The following DLG2 variants were observed in gnomAD, a reference collection of about 807,000 sequenced individuals.
DLG2 encodes the protein disks large homolog 2.
In DLG2, 45 loss-of-function variants were observed where a neutral mutation model predicts 132.5. The ratio of observed to expected loss-of-function variants is 0.34; its 90% CI spans 0.27 to 0.44. DLG2 has a LOEUF of 0.44. DLG2 is among the 20% of genes least tolerant of loss of function. The pLI is 1.00. For synonymous variants in DLG2, 424 were observed against 419.6 expected, an observed-to-expected ratio of 1.01 and a Z score of -0.13; for missense variants, 1,045 against 1,196.9, an observed-to-expected ratio of 0.87 and a Z score of 1.87.
At chr11:85,555,022 C>T (rs555685093) in intron 3 of DLG2, among the ~76,000 whole-genome samples, 8 of 151,750 alleles carry the variant, frequency 5.3e-5, no homozygotes, top group Non-Finnish European at 8.8e-5. Context: ...AAAAACCTAA[C>T]CTCTAAGCCT....
At chr11:83,468,678 C>T (rs1565343984) in intron 25 of DLG2, among the ~76,000 whole-genome samples, 2 of 152,106 alleles carry the variant, frequency 1.3e-5, no homozygotes, top group Admixed American at 1.3e-4. Context: ...TCCTATGGTA[C>T]CCTCTCTTGA....
intron 6 of DLG2, among the ~76,000 whole-genome samples, chr11:84,965,910 G>A (rs1591949673): frequency 1.3e-5 from 2 of 152,018 alleles, no homozygotes; most frequent in South Asian, 4.1e-4. Context: ...GGAAAGATAC[G>A]AGTCTTCTAA....
intron 6 of DLG2, among the ~76,000 whole-genome samples, chr11:84,634,017 C>G (rs2099636500): frequency 6.6e-6 from 1 of 152,072 alleles, no homozygotes; most frequent in African/African-American, 2.4e-5. Flanking sequence ...AGAAAAAAAG[C>G]ATACATACAT....
intron 6 of DLG2, among the ~76,000 whole-genome samples, chr11:84,748,058 G>C (rs558222323): frequency 6.6e-6 from 1 of 152,268 alleles, no homozygotes; most frequent in South Asian, 2.1e-4. Context: ...CCAGTTTCCT[G>C]TGGTTTCTTG....
chr11:84,566,346 A>G (rs1021591599), intron 6 of DLG2, among the ~76,000 whole-genome samples: 2 of 152,162 alleles, frequency 1.3e-5, no homozygotes, highest in African/African-American at 2.4e-5. Context: ...GATACATACT[A>G]TTGGTTTTAA....
chr11:84,796,745 T>C (rs527245899), intron 6 of DLG2, among the ~76,000 whole-genome samples: 10 of 152,116 alleles, frequency 6.6e-5, no homozygotes, highest in Non-Finnish European at 1.3e-4. Context: ...AAGGTTCCCA[T>C]TGAAAAGTAT....
At chr11:85,456,591 G>A (rs536177136) in intron 3 of DLG2, among the ~76,000 whole-genome samples, 4 of 152,114 alleles carry the variant, frequency 2.6e-5, no homozygotes, top group Non-Finnish European at 4.4e-5. Flanking sequence ...CAAGCCTTTC[G>A]ACGTGGGCAT....
chr11:83,521,031 A>T (rs2095466526), intron 21 of DLG2, among the ~76,000 whole-genome samples: 1 of 152,250 alleles, frequency 6.6e-6, no homozygotes, highest in Non-Finnish European at 1.5e-5. Flanking sequence ...TGCCAAGAGC[A>T]TGGGCAAAGG....
At chr11:83,632,917 A>G (rs1411342591) in intron 19 of DLG2, 12 of 339,962 alleles carry the variant, frequency 3.5e-5, no homozygotes. Flanking sequence ...TTTAAGATTT[A>G]TTAGAAATGA....
At chr11:84,896,240 T>G (rs1319896466) in intron 6 of DLG2, among the ~76,000 whole-genome samples, 1 of 152,072 alleles carries the variant, frequency 6.6e-6, no homozygotes, top group Non-Finnish European at 1.5e-5. Flanking sequence ...TATCCAAACT[T>G]ATATGCAAAT....
intron 6 of DLG2, among the ~76,000 whole-genome samples, chr11:84,926,542 G>A (rs1343178582): frequency 6.6e-6 from 1 of 151,988 alleles, no homozygotes; most frequent in Non-Finnish European, 1.5e-5. Flanking sequence ...TATTGTGTGA[G>A]GCTATTTGTA....
At chr11:84,064,205 GATC>G (rs549551585) in intron 10 of DLG2, among the ~76,000 whole-genome samples, 121 of 152,216 alleles carry the variant, frequency 7.9e-4, no homozygotes, top group African/African-American at 2.8e-3. Context: ...CATTTAAAAT[GATC>G]ATCAAGTCAT....
intron 5 of DLG2, among the ~76,000 whole-genome samples, chr11:85,153,594 C>T (rs1470854238): frequency 6.6e-6 from 1 of 151,928 alleles, no homozygotes; most frequent in Non-Finnish European, 1.5e-5. Context: ...AAAAATACTC[C>T]CAATTATTTT....
At chr11:85,518,250 A>T (rs2094208451) in intron 3 of DLG2, among the ~76,000 whole-genome samples, 1 of 152,204 alleles carries the variant, frequency 6.6e-6, no homozygotes, top group Non-Finnish European at 1.5e-5. Context: ...AAAATGTGGG[A>T]AAGTTCGGAA....
At chr11:84,066,248 A>G (rs1022405580) in intron 10 of DLG2, among the ~76,000 whole-genome samples, 2 of 152,228 alleles carry the variant, frequency 1.3e-5, no homozygotes, top group African/African-American at 2.4e-5. Context: ...TAATAAATGC[A>G]TATTCACCTA....
chr11:85,596,166 G>C (rs1214631974), intron 3 of DLG2, among the ~76,000 whole-genome samples: 1 of 152,082 alleles, frequency 6.6e-6, no homozygotes, highest in Non-Finnish European at 1.5e-5. Context: ...GAGGTGGGTG[G>C]ATCATGAGGT....
chr11:85,229,198 T>TC (rs397737305), intron 4 of DLG2, among the ~76,000 whole-genome samples: 2 of 151,354 alleles, frequency 1.3e-5, no homozygotes, highest in Non-Finnish European at 3.0e-5. Context: ...ATTTTTTTTT[T>TC]ACTTTAAAGA....
chr11:85,056,384 T>C (rs971408900), intron 6 of DLG2, among the ~76,000 whole-genome samples: 3 of 151,992 alleles, frequency 2.0e-5, no homozygotes, highest in Non-Finnish European at 4.4e-5. Context: ...CAGAATTCAA[T>C]AGGGGAATTT....
intron 3 of DLG2, among the ~76,000 whole-genome samples, chr11:85,543,952 T>C (rs2076135152): frequency 6.6e-6 from 1 of 152,188 alleles, no homozygotes; most frequent in South Asian, 2.1e-4. Flanking sequence ...CTGTTCACTC[T>C]GATGACAGTT....
Sources: allele counts gnomAD v4.1 joint callset (sites outside exome capture counted in the v4.1 genomes callset), GRCh38; gene constraint gnomAD v4.1.1; transcripts MANE v1.5; gene names NCBI Gene and HGNC (gene_info 2026-07-23, HGNC 2026-07-21).